The following SENP2 variants were observed in gnomAD, a reference collection of about 807,000 sequenced individuals.
SENP2 encodes sentrin-specific protease 2.
SENP2 carries 16 observed loss-of-function variants against 86.3 expected under a neutral mutation model. That is an observed-to-expected ratio of 0.19 (90% confidence interval 0.13 to 0.28). The LOEUF is 0.28. Ranked by LOEUF, SENP2 falls within the 10% of genes least tolerant of loss-of-function variation. The pLI is 1.00. For synonymous variants in SENP2, 222 were observed against 238.7 expected (o/e 0.93, Z 0.64); for missense variants, 552 against 703.0 (o/e 0.79, Z 2.43).
intron 16 of SENP2, among the ~76,000 whole-genome samples, chr3:185,627,816 C>T (rs957525931): frequency 1.3e-5 from 2 of 152,184 alleles, no homozygotes; most frequent in Non-Finnish European, 2.9e-5. Flanking sequence ...AACCTTTTTA[C>T]AACTGAGGAC....
In SENP2 at chr3:185,624,061, C is replaced by G; in HGVS notation, c.1590C>G (p.Thr530=). Residue 530 remains threonine (T), a synonymous_variant, in exon 15 of 17, where the codon ACC becomes ACG. Coordinates refer to ENST00000296257, the MANE Select transcript of SENP2 (RefSeq NM_021627.3). ...GTGATCTGAATCTTTTAGAGTGGAC[C>G]CATCACAGCATGAAACCACACGTGA... ...RNSDLNLLEW[T]HHSMKPHEIP... 6.2e-7 allele frequency: 1 copy of G among 1,611,434 alleles called. No homozygotes were observed. Among genetic ancestry groups the G allele is most frequent in the Non-Finnish European group, 8.5e-7 (1 of 1,178,458 alleles).
intron 13 of SENP2, among the ~76,000 whole-genome samples, chr3:185,620,590 G>A (rs1052212424): frequency 6.6e-6 from 1 of 151,660 alleles, no homozygotes; most frequent in South Asian, 2.1e-4. Flanking sequence ...TTACAGGCAC[G>A]TGCCACCACC....
intron 1 of SENP2, among the ~76,000 whole-genome samples, chr3:185,588,148 T>A (rs1410475859): frequency 7.2e-6 from 1 of 139,836 alleles, no homozygotes; most frequent in East Asian, 2.2e-4. Flanking sequence ...ACCTCCGCCT[T>A]CCAGGTTCAC....
rs553185153 is a variant in SENP2 at position 185,594,804 on chromosome 3, A to T, written c.158-3608A>T. Among the ~76,000 whole-genome samples the T allele has an allele frequency of 1.2e-3, 177 of 152,244 alleles. No individual in the cohort carries two copies. In the South Asian group the frequency reaches 0.013, roughly 11 times the overall value. ...CCAGCTAATTTTTATATTTTAGTAG[A>T]GACGGAGTTTCACCATATTGGCCAG... On this transcript the variant is annotated intron_variant, in intron 2 of 16. Transcript: ENST00000296257.
At chr3:185,620,208 A>G (rs1046170231) in intron 13 of SENP2, among the ~76,000 whole-genome samples, 10 of 151,876 alleles carry the variant, frequency 6.6e-5, no homozygotes, top group African/African-American at 2.2e-4. Context: ...GACTACAGAC[A>G]TGCACCACTA....
At chr3:185,605,123 A>G (rs1188156448) in intron 5 of SENP2, among the ~76,000 whole-genome samples, 1 of 149,516 alleles carries the variant, frequency 6.7e-6, no homozygotes, top group African/African-American at 2.5e-5. Flanking sequence ...GTATCCCAGC[A>G]CTTTGGGAGG....
intron 6 of SENP2, 66 bp downstream of exon 6, chr3:185,606,564 A>C: frequency 7.4e-7 from 1 of 1,343,370 alleles, no homozygotes; most frequent in South Asian, 1.5e-5. Flanking sequence ...TGCTGCCTAG[A>C]GACACTCAGA....
intron 2 of SENP2, among the ~76,000 whole-genome samples, chr3:185,592,011 CTTTTTTTTT>C (rs149268515): frequency 9.1e-5 from 6 of 65,804 alleles, no homozygotes; most frequent in Admixed American, 5.0e-4. Context: ...GGTAATATTT[CTTTTTTTTT>C]TTTTTTTTTT....
chr3:185,616,871 C>CA (rs35308544), intron 11 of SENP2, among the ~76,000 whole-genome samples: 108,981 of 151,674 alleles, frequency 0.72, 40,446 homozygotes, highest in African/African-American at 0.91. Flanking sequence ...TTCAAATCTT[C>CA]TTCTACCTTT....
chr3:185,606,365 C>A lies in SENP2; in HGVS notation c.485C>A (p.Pro162Gln). The A allele has an allele frequency of 6.2e-7, 1 of 1,611,564 alleles. No individual in the cohort carries two copies. Among genetic ancestry groups the A allele is most frequent in the Non-Finnish European group, 8.5e-7 (1 of 1,179,368 alleles). The change falls in exon 6 of 17, where the codon CCA becomes CAA. Residue 162 changes from proline (P) to glutamine (Q), a missense_variant. By Grantham distance (76) the Pro-to-Gln change is moderately conservative. Transcript: ENST00000296257. ...TLNSEGCNRR[P>Q]GGRRHSKGNP... ...AACTCAGAAGGCTGTAATAGAAGAC[C>A]AGGTGGCCGTCGCCATAGCAAAGGT...
intron 2 of SENP2, among the ~76,000 whole-genome samples, chr3:185,592,269 T>A (rs574222809): frequency 9.2e-5 from 14 of 151,696 alleles, no homozygotes; most frequent in African/African-American, 3.4e-4. Flanking sequence ...GGATACTGAG[T>A]CTCCATATGT....
At chr3:185,608,609 G>A (rs550546765) in intron 6 of SENP2, among the ~76,000 whole-genome samples, 1 of 152,160 alleles carries the variant, frequency 6.6e-6, no homozygotes, top group South Asian at 2.1e-4. Context: ...ACCTGTTGGT[G>A]TTATTTAAAT....
chr3:185,622,507 A>T (rs1054693374), intron 14 of SENP2, among the ~76,000 whole-genome samples: 14 of 152,312 alleles, frequency 9.2e-5, no homozygotes, highest in African/African-American at 3.4e-4. Flanking sequence ...GAATCTTGTG[A>T]AGAAAAGTTG....
In SENP2 at chr3:185,590,528, G is replaced by A. The variant is rs1389712043; in HGVS notation, c.157+359G>A. On this transcript the variant is annotated intron_variant, in intron 2 of 16. Coordinates refer to ENST00000296257, the MANE Select transcript of SENP2 (RefSeq NM_021627.3). ...GTGCCATTGCACTTCAGCCTGGGGC[G>A]ACAGAGCAGGACTGTGTCAGGAAAA... Among the ~76,000 whole-genome samples the A allele has an allele frequency of 2.7e-5, 4 of 150,224 alleles. No individual in the cohort carries two copies. In the East Asian group the frequency reaches 7.9e-4, roughly 30 times the overall value.
intron 11 of SENP2, among the ~76,000 whole-genome samples, chr3:185,616,276 G>A (rs1045171494): frequency 7.0e-6 from 1 of 142,932 alleles, no homozygotes; most frequent in Non-Finnish European, 1.5e-5. Context: ...TTCGAGACCA[G>A]CCTGGCCAGC....
intron 5 of SENP2, among the ~76,000 whole-genome samples, chr3:185,601,368 G>A (rs1167805416): frequency 6.6e-6 from 1 of 151,880 alleles, no homozygotes; most frequent in Non-Finnish European, 1.5e-5. Flanking sequence ...TGTATTATAT[G>A]CCCATAGCAT....
At chr3:185,600,162 A>T (rs1722298886) in intron 4 of SENP2, among the ~76,000 whole-genome samples, 2 of 152,272 alleles carry the variant, frequency 1.3e-5, no homozygotes, top group South Asian at 4.2e-4. Context: ...GAATTTCATC[A>T]TCTGTTTGGA....
intron 7 of SENP2, among the ~76,000 whole-genome samples, chr3:185,610,992 C>T (rs9714158): frequency 0.38 from 57,735 of 150,582 alleles, 11,186 homozygotes; most frequent in South Asian, 0.56. Context: ...GTTCCTGCTT[C>T]TGGCTGGGTG....
At chr3:185,590,738 A>G (rs1322842575) in intron 2 of SENP2, among the ~76,000 whole-genome samples, 2 of 127,288 alleles carry the variant, frequency 1.6e-5, no homozygotes, top group African/African-American at 5.9e-5. Flanking sequence ...GTGCACGCCT[A>G]TAGTCACAGC....
Sources: allele counts gnomAD v4.1 joint callset (sites outside exome capture counted in the v4.1 genomes callset), GRCh38; gene constraint gnomAD v4.1.1; transcripts MANE v1.5; gene names NCBI Gene and HGNC (gene_info 2026-07-23, HGNC 2026-07-21).